Variants in CDC73 observed in about 807,000 individuals in gnomAD.
The protein encoded by CDC73 is cell division cycle 73, also known as parafibromin.
A neutral mutation model predicts 83.7 loss-of-function variants in CDC73; 21 were observed. That is an observed-to-expected ratio of 0.25 (90% CI 0.18 to 0.36). The LOEUF (loss-of-function observed/expected upper bound fraction) is 0.36. Among genes scored for constraint, CDC73 ranks in the 10% least tolerant of loss-of-function variants. The pLI, the probability that CDC73 is intolerant of heterozygous loss-of-function variation, is 1.00. For synonymous variants in CDC73, 224 were observed against 212.9 expected (o/e 1.05, Z -0.45); for missense variants, 342 against 653.3 (o/e 0.52, Z 5.19).
intron 10 of CDC73, among the ~76,000 whole-genome samples, chr1:193,173,496 A>G (rs1362107572): frequency 6.6e-6 from 1 of 152,226 alleles, no homozygotes; most frequent in African/African-American, 2.4e-5. Context: ...ATACAACAAA[A>G]TAAATAATAT....
chr1:193,222,834 A>G (rs1215117527), intron 13 of CDC73, among the ~76,000 whole-genome samples: 1 of 148,530 alleles, frequency 6.7e-6, no homozygotes, highest in Non-Finnish European at 1.5e-5. Context: ...TAAATGAGAC[A>G]TACTTTAGAC....
chr1:193,150,211 C>T (rs1325744091), intron 8 of CDC73, 93 bp from the exon 9 acceptor site: 1 of 885,076 alleles, frequency 1.1e-6, no homozygotes. Context: ...GTCTTGGCTG[C>T]AGTGAGCCAT....
At position 193,224,584 on chromosome 1, in the gene CDC73, AAAT is replaced by A. The variant is rs1677532733; in HGVS notation, c.1155-8407_1155-8405del. Among the ~76,000 whole-genome samples, 3 of 152,310 alleles carry A rather than the reference AAAT, an allele frequency of 2.0e-5. No homozygotes were observed. The South Asian group carries it at 6.2e-4, about 32-fold the overall frequency. ...ATGCATTCACATATACACATATATG[AAAT>A]ATGCATTCACATGTACACATATATG... On this transcript the variant is annotated intron_variant, in intron 13 of 16. Transcript: ENST00000367435.
rs1442435592 is a variant in CDC73 at position 193,138,186 on chromosome 1, T to C, written c.512+13T>C. On this transcript the variant is annotated intron_variant, in intron 6 of 16. Coordinates refer to ENST00000367435, the MANE Select transcript of CDC73 (RefSeq NM_024529.5). ...CTGAACAGATTAGGTAAGAATTCTTTTTAAGTAGAAAGTAGGTAGTTTAGA... is the reference window on the plus strand; with the variant it reads ...CTGAACAGATTAGGTAAGAATTCTTCTTAAGTAGAAAGTAGGTAGTTTAGA... 3 of 1,549,812 alleles carry C rather than the reference T, an allele frequency of 1.9e-6. No individual in the cohort carries two copies. Among genetic ancestry groups the C allele is most frequent in the East Asian group, 2.2e-5 (1 of 44,526 alleles).
At chr1:193,124,054 C>G (rs1431032320) in intron 1 of CDC73, among the ~76,000 whole-genome samples, 1 of 152,200 alleles carries the variant, frequency 6.6e-6, no homozygotes, top group African/African-American at 2.4e-5. Context: ...GAACTGTATA[C>G]TTAAAGGCTG....
intron 13 of CDC73, among the ~76,000 whole-genome samples, chr1:193,214,610 A>G (rs1239432192): frequency 1.3e-5 from 2 of 152,106 alleles, no homozygotes; most frequent in Non-Finnish European, 2.9e-5. Context: ...TCCCAGCTAC[A>G]TGGGAGGCTG....
At chr1:193,144,230 AC>A (rs971544293) in intron 7 of CDC73, among the ~76,000 whole-genome samples, 22 of 151,856 alleles carry the variant, frequency 1.4e-4, no homozygotes, top group Non-Finnish European at 7.4e-5. Context: ...CTTTAAACTT[AC>A]ATAAATTAGG....
In CDC73 at chr1:193,212,114, T is replaced by C; in HGVS notation, c.1066+14T>C. On this transcript the variant is annotated intron_variant, in intron 12 of 16. Transcript: ENST00000367435. ...ATCAGAAGAAAGGTGAGGTTGTGCA[T>C]ATGATTTTAAACTTAACTTTAAAAA... 6.4e-7 allele frequency: 1 copy of C among 1,570,890 alleles called. No individual in the cohort carries two copies.
chr1:193,155,815 T>C (rs959907066), intron 10 of CDC73, among the ~76,000 whole-genome samples: 3 of 152,066 alleles, frequency 2.0e-5, no homozygotes, highest in Non-Finnish European at 4.4e-5. Flanking sequence ...AAACAGATTT[T>C]GTGGTTCAGG....
intron 10 of CDC73, among the ~76,000 whole-genome samples, chr1:193,182,458 T>C (rs1014114821): frequency 1.3e-5 from 2 of 152,150 alleles, no homozygotes; most frequent in Non-Finnish European, 2.9e-5. Context: ...CTGTTACATA[T>C]CTTGGTTGAG....
At chr1:193,175,438 T>C (rs1676584493) in intron 10 of CDC73, among the ~76,000 whole-genome samples, 1 of 152,180 alleles carries the variant, frequency 6.6e-6, no homozygotes, top group Non-Finnish European at 1.5e-5. Context: ...TAGGTTTTAG[T>C]TCATATTAAG....
At chr1:193,244,516 AG>A (rs1221468055) in intron 15 of CDC73, among the ~76,000 whole-genome samples, 2 of 152,204 alleles carry the variant, frequency 1.3e-5, no homozygotes, top group Non-Finnish European at 2.9e-5. Flanking sequence ...CAGAAGTTTG[AG>A]GCCCTGGCCT....
At chr1:193,234,173 TCTCACACA>T (rs1205729475) in intron 14 of CDC73, among the ~76,000 whole-genome samples, 98 of 68,324 alleles carry the variant, frequency 1.4e-3, no homozygotes, top group South Asian at 4.1e-3. Flanking sequence ...TCTCTCTCTC[TCTCACACA>T]CACACACACA....
At chr1:193,178,615 T>C (rs1676652980) in intron 10 of CDC73, among the ~76,000 whole-genome samples, 1 of 152,104 alleles carries the variant, frequency 6.6e-6, no homozygotes, top group Non-Finnish European at 1.5e-5. Context: ...TTTGGTATTA[T>C]CCCCTTATGT....
intron 13 of CDC73, among the ~76,000 whole-genome samples, chr1:193,222,608 T>G (rs1297219774): frequency 1.3e-5 from 2 of 152,234 alleles, no homozygotes; most frequent in Admixed American, 1.3e-4. Flanking sequence ...GTGGTTATTT[T>G]AAAGATCATT....
chr1:193,163,876 T>G (rs1277207564), intron 10 of CDC73, among the ~76,000 whole-genome samples: 1 of 152,074 alleles, frequency 6.6e-6, no homozygotes, highest in Admixed American at 6.5e-5. Context: ...CTTCCCAGGT[T>G]CAAGCTGTTC....
At chr1:193,211,055 C>T (rs1367154874) in intron 11 of CDC73, among the ~76,000 whole-genome samples, 1 of 152,078 alleles carries the variant, frequency 6.6e-6, no homozygotes, top group Non-Finnish European at 1.5e-5. Flanking sequence ...TCTTGTCTCG[C>T]TCTTCTCTTT....
chr1:193,200,758 C>CGTGTGT (rs112571232), intron 10 of CDC73, among the ~76,000 whole-genome samples: 5 of 150,540 alleles, frequency 3.3e-5, no homozygotes, highest in Non-Finnish European at 5.9e-5. Flanking sequence ...TAATACATTC[C>CGTGTGT]GTGTGTGTGT....
chr1:193,177,770 A>G (rs574624490), intron 10 of CDC73, among the ~76,000 whole-genome samples: 95 of 152,324 alleles, frequency 6.2e-4, no homozygotes, highest in Admixed American at 2.0e-3. Flanking sequence ...TGCTGGAAAT[A>G]GCACATTAAT....
Sources: gnomAD v4.1 joint callset for allele counts (sites outside exome capture counted in the v4.1 genomes callset) on GRCh38, gnomAD v4.1.1 for gene constraint, MANE v1.5 for transcripts, NCBI Gene and HGNC (gene_info 2026-07-23, HGNC 2026-07-21) for gene names.